CNGA2: variants seen among roughly 807,000 people sequenced by gnomAD.
The protein encoded by CNGA2 is cyclic nucleotide-gated channel alpha-2.
Under a neutral mutation model 35.9 loss-of-function variants are expected in CNGA2, and 22 were observed. The ratio of observed to expected loss-of-function variants is 0.61; its 90% confidence interval spans 0.44 to 0.88. CNGA2 has a LOEUF of 0.88. Ranked by LOEUF, CNGA2 falls within the 40% of genes least tolerant of loss-of-function variation. The pLI is 0.00. For missense variants in CNGA2, 555 were observed against 530.8 expected (o/e 1.05, Z -0.45); for synonymous variants, 217 against 209.2 (o/e 1.04, Z -0.32).
chrX:151,736,443 G>T (rs1019268255), intron 1 of CNGA2, among the ~76,000 whole-genome samples: 1 of 111,859 alleles, frequency 8.9e-6, no homozygotes. Context: ...AGGCTGCTTG[G>T]ATGTGATAAA....
chrX:151,744,117 T>C lies in CNGA2; in HGVS notation c.1614T>C (p.Ala538=), dbSNP rs753955709. 2 of 1,210,816 alleles carry C rather than the reference T, an allele frequency of 1.7e-6. No individual in the cohort carries two copies. The highest frequency in any genetic ancestry group is 4.4e-5 in the Admixed American group (2 of 45,920). ...GTAAAATGGGCAATCGACGCACAGCTAATATCCGCAGCCTGGGCTACTCAG... is the reference window on the plus strand; with the variant it reads ...GTAAAATGGGCAATCGACGCACAGCCAATATCCGCAGCCTGGGCTACTCAG... ...KGSKMGNRRT[A]NIRSLGYSDL... is the part of the protein sequence containing the mutation. The change falls in exon 7 of 7, where the codon GCT becomes GCC. Residue 538 remains alanine (A), a synonymous_variant. Transcript: ENST00000329903.
chrX:151,743,584 G>T lies in CNGA2; in HGVS notation c.1081G>T (p.Val361Phe). Residue 361 changes from valine (V) to phenylalanine (F), a missense_variant, in exon 7 of 7, where the codon GTC (valine) becomes TTC (phenylalanine). Transcript: ENST00000329903. Reference sequence around the variant, plus strand: ...TGTCATCTTTGACTTCCTGATTGGCGTCCTCATCTTTGCCACCATCGTGGG... The same window carrying T: ...TGTCATCTTTGACTTCCTGATTGGCTTCCTCATCTTTGCCACCATCGTGGG... ...LFVIFDFLIG[V>F]LIFATIVGNV... The T allele has an allele frequency of 1.7e-6, 2 of 1,211,207 alleles. No homozygotes were observed. The highest frequency in any genetic ancestry group is 2.2e-6 in the Non-Finnish European group (2 of 895,426).
intron 4 of CNGA2, among the ~76,000 whole-genome samples, chrX:151,739,940 T>C (rs1404565878): frequency 8.9e-6 from 1 of 112,499 alleles, no homozygotes; most frequent in Non-Finnish European, 1.9e-5. Context: ...TGAGAACCTC[T>C]GGTGTCTTTT....
In CNGA2 at chrX:151,743,163, G is replaced by T; in HGVS notation, c.660G>T (p.Gln220His). Reference protein sequence around the residue: ...KLRDNYIHTLQFKLDVASIIP... With the variant: ...KLRDNYIHTLHFKLDVASIIP... ...GAGACAACTACATCCACACCCTGCA[G>T]TTCAAGCTGGATGTGGCTTCCATCA... The change falls in exon 7 of 7, where the codon CAG (glutamine) becomes CAT (histidine). Residue 220 changes from glutamine to histidine, a missense_variant. Transcript: ENST00000329903. The T allele has an allele frequency of 2.5e-6, 3 of 1,204,950 alleles. No individual in the cohort carries two copies. Among genetic ancestry groups the T allele is most frequent in the Non-Finnish European group, 3.4e-6 (3 of 893,683 alleles).
rs755787323 is a variant in CNGA2 at position 151,743,860 on chromosome X, C to A, written c.1357C>A (p.Arg453Ser). Residue 453 changes from arginine to serine, a missense_variant, in exon 7 of 7, where the codon CGC becomes AGC. Physicochemically the swap from Arg to Ser is moderately radical, Grantham distance 110. Coordinates refer to ENST00000329903, the MANE Select transcript of CNGA2 (RefSeq NM_005140.3). ...NVHLSTLKKV[R>S]IFHDCEAGLL... ...CCACTTGTCCACACTCAAGAAAGTG[C>A]GCATCTTCCATGATTGTGAGGCTGG... is the stretch of plus-strand genomic sequence containing the variant. 2 of 1,211,476 alleles carry A rather than the reference C, an allele frequency of 1.7e-6. No individual in the cohort carries two copies. Among genetic ancestry groups the A allele is most frequent in the Admixed American group, 4.3e-5 (2 of 45,998 alleles).
chrX:151,738,844 G>A lies in CNGA2; in HGVS notation c.168G>A (p.Val56=), dbSNP rs1443199824. 1 of 1,177,433 alleles carries A rather than the reference G, an allele frequency of 8.5e-7. No individual in the cohort carries two copies. Among genetic ancestry groups the A allele is most frequent in the Admixed American group, 2.5e-5 (1 of 39,865 alleles). The change falls in exon 3 of 7, where the codon GTG becomes GTA. Residue 56 remains valine, a synonymous_variant. Transcript: ENST00000329903. The stretch of plus-strand genomic sequence containing the variant: ...CAGAACTGCAGAGGCTGGCAGACGT[G>A]GATGCCCCACAGCAGGGAAGGAGTG... ...TSSELQRLAD[V]DAPQQGRSGF... is the part of the protein sequence containing the mutation.
Position 151,738,554 on chromosome X carries a change from T to C in CNGA2, c.71T>C (p.Ile24Thr), listed in dbSNP as rs1294801254. ...CACAACCATCATGCACCTCCTGCCA[T>C]CAAGGCCAATGGCAAAGATGACCAC... is the stretch of plus-strand genomic sequence containing the variant. ...NNHNHHAPPAIKANGKDDHRT... is the reference protein window; with the variant it reads ...NNHNHHAPPATKANGKDDHRT... The change falls in exon 2 of 7, where the codon ATC (isoleucine) becomes ACC (threonine). Residue 24 changes from isoleucine to threonine, a missense_variant. Ile to Thr is a moderately conservative substitution (Grantham distance 89). Transcript: ENST00000329903. The C allele has an allele frequency of 5.0e-6, 6 of 1,209,616 alleles. No individual in the cohort carries two copies. The Admixed American group carries it at 1.1e-4, about 22-fold the overall frequency.
At position 151,734,943 on chromosome X, in the gene CNGA2, A is replaced by C. The variant is rs774381806; in HGVS notation, c.-27A>C. Among the ~76,000 whole-genome samples the C allele has an allele frequency of 1.8e-4, 20 of 111,772 alleles. No homozygotes were observed. Among genetic ancestry groups the C allele is most frequent in the African/African-American group, 6.2e-4 (19 of 30,786 alleles). ...GCACCCAGCAAAGGACCTGGCACAT[A>C]GTAGGTGTCTTGGGGATGTGTGTGA... is the stretch of plus-strand genomic sequence containing the variant. On this transcript the variant is annotated splice_region_variant and 5_prime_UTR_variant, in exon 1 of 7. Coordinates refer to ENST00000329903, the MANE Select transcript of CNGA2 (RefSeq NM_005140.3).
intron 5 of CNGA2, 57 bp from the exon 6 acceptor site, chrX:151,742,478 GC>G: frequency 1.1e-6 from 1 of 921,463 alleles, no homozygotes; most frequent in African/African-American, 1.9e-5. Flanking sequence ...TCAGTTTGGG[GC>G]CTCCAAGGGA....
chrX:151,737,334 G>T (rs1263248008), intron 1 of CNGA2, among the ~76,000 whole-genome samples: 1 of 112,337 alleles, frequency 8.9e-6, no homozygotes, highest in Non-Finnish European at 1.9e-5. Flanking sequence ...CCCTCCTCTA[G>T]ATTGTTACCT....
rs561786347 is a variant in CNGA2 at position 151,739,648 on chromosome X, G to A, written c.290G>A (p.Arg97His). 2.5e-6 allele frequency: 3 copies of A among 1,211,592 alleles called. No homozygotes were observed. The highest frequency in any genetic ancestry group is 3.0e-5 in the East Asian group (1 of 33,838). Reference protein sequence around the residue: ...EEPRPDSFLERFRGPELQTVT... With the variant: ...EEPRPDSFLEHFRGPELQTVT... ...CCTAGGCCTGACTCATTCCTCGAGC[G>A]TTTTCGTGGGCCTGAACTCCAGACT... Residue 97 changes from arginine (R) to histidine (H), a missense_variant, in exon 4 of 7, where the codon CGT (arginine) becomes CAT (histidine). Physicochemically the swap from Arg to His is conservative, Grantham distance 29. Transcript: ENST00000329903.
At chrX:151,740,675 C>T (rs1368133414) in intron 4 of CNGA2, 119 bp from the exon 5 acceptor site, 1 of 545,815 alleles carries the variant, frequency 1.8e-6, no homozygotes, top group Non-Finnish European at 3.1e-6. Flanking sequence ...CATCTTTCAC[C>T]CCACATATAC....
chrX:151,738,114 C>T (rs1603007386), intron 1 of CNGA2, among the ~76,000 whole-genome samples: 1 of 110,365 alleles, frequency 9.1e-6, no homozygotes, highest in Middle Eastern at 4.6e-3. Flanking sequence ...AGGAAGATGG[C>T]TTAAACAGTT....
At chrX:151,742,887 G>A (rs1396151550) in intron 6 of CNGA2, among the ~76,000 whole-genome samples, 1 of 87,546 alleles carries the variant, frequency 1.1e-5, no homozygotes, top group Non-Finnish European at 2.1e-5. Flanking sequence ...TCAGTGAGCA[G>A]TAGTTTCCTT....
Position 151,743,423 on chromosome X carries a change from G to C in CNGA2, c.920G>C (p.Trp307Ser), listed in dbSNP as rs1384512891. ...TCCATAGGCTTTGGGGTCGACACCTGGGTTTACCCAAACATCACTGACCCT... is the reference window on the plus strand; with the variant it reads ...TCCATAGGCTTTGGGGTCGACACCTCGGTTTACCCAAACATCACTGACCCT... ...SKSIGFGVDT[W>S]VYPNITDPEY... The change falls in exon 7 of 7, where the codon TGG becomes TCG. Residue 307 changes from tryptophan to serine, a missense_variant. Physicochemically the swap from Trp to Ser is radical, Grantham distance 177. Transcript: ENST00000329903. The C allele has an allele frequency of 8.3e-7, 1 of 1,210,673 alleles. No homozygotes were observed. Among genetic ancestry groups the C allele is most frequent in the Non-Finnish European group, 1.1e-6 (1 of 895,294 alleles).
At chrX:151,735,180 C>T (rs2015234575) in intron 1 of CNGA2, among the ~76,000 whole-genome samples, 1 of 111,879 alleles carries the variant, frequency 8.9e-6, no homozygotes, top group Admixed American at 9.4e-5. Flanking sequence ...ACAACTCCAC[C>T]TTGACTGTGT....
At chrX:151,736,922 T>C (rs1226625202) in intron 1 of CNGA2, among the ~76,000 whole-genome samples, 1 of 111,775 alleles carries the variant, frequency 8.9e-6, no homozygotes, top group East Asian at 2.8e-4. Flanking sequence ...CGGCTTTGTT[T>C]GCATTGCCTG....
chrX:151,743,975 T>G lies in CNGA2; in HGVS notation c.1472T>G (p.Met491Arg). ...CGCAAAGGGGACATCGGCAAGGAGA[T>G]GTACATCATTAAGGAGGGCAAACTG... Reference protein sequence around the residue: ...ICRKGDIGKEMYIIKEGKLAV... With the variant: ...ICRKGDIGKERYIIKEGKLAV... Residue 491 changes from methionine to arginine, a missense_variant, in exon 7 of 7, where the codon ATG becomes AGG. Met to Arg is a moderately conservative substitution (Grantham distance 91). Transcript: ENST00000329903. 8.3e-7 allele frequency: 1 copy of G among 1,211,386 alleles called. No individual in the cohort carries two copies. Among genetic ancestry groups the G allele is most frequent in the Non-Finnish European group, 1.1e-6 (1 of 895,475 alleles).
rs1472002702 is a variant in CNGA2, at chrX:151,739,623, C to A, written c.265C>A (p.Pro89Thr). 8.3e-7 allele frequency: 1 copy of A among 1,211,546 alleles called. No homozygotes were observed. Among genetic ancestry groups the A allele is most frequent in the South Asian group, 1.8e-5 (1 of 56,936 alleles). Residue 89 changes from proline to threonine, a missense_variant, in exon 4 of 7, where the codon CCT (proline) becomes ACT (threonine). Physicochemically the swap from Pro to Thr is conservative, Grantham distance 38 (BLOSUM62 -1). Transcript: ENST00000329903. ...CAACAAGAATTTCCGAGAGGAGGAACCTAGGCCTGACTCATTCCTCGAGCG... is the reference window on the plus strand; with the variant it reads ...CAACAAGAATTTCCGAGAGGAGGAAACTAGGCCTGACTCATTCCTCGAGCG... ...WANKNFREEE[P>T]RPDSFLERFR...
Sources: gnomAD v4.1 joint callset for allele counts (sites outside exome capture counted in the v4.1 genomes callset) on GRCh38, gnomAD v4.1.1 for gene constraint, MANE v1.5 for transcripts, NCBI Gene and HGNC (gene_info 2026-07-23, HGNC 2026-07-21) for gene names.